Variants in ACSL3 observed in about 807,000 individuals in gnomAD.
ACSL3 encodes fatty acid CoA ligase Acsl3.
In ACSL3, 34 loss-of-function variants were observed where a neutral mutation model predicts 84.7. The observed-to-expected ratio is 0.40, with a 90% CI of 0.31 to 0.53. The LOEUF (loss-of-function observed/expected upper bound fraction) is 0.53, where lower values mean the gene tolerates loss of function less well. Among genes scored for constraint, ACSL3 ranks in the 20% least tolerant of loss-of-function variants. ACSL3 has a pLI of 0.48. For missense variants in ACSL3, 680 were observed against 873.1 expected (o/e 0.78, Z 2.79); for synonymous variants, 315 against 299.4 (o/e 1.05, Z -0.54).
At chr2:222,864,404 G>A (rs978859365) in intron 1 of ACSL3, among the ~76,000 whole-genome samples, 2 of 152,176 alleles carry the variant, frequency 1.3e-5, no homozygotes, top group Non-Finnish European at 2.9e-5. Context: ...AAGAAGAGAA[G>A]GAGGCCTGGG....
intron 1 of ACSL3, among the ~76,000 whole-genome samples, chr2:222,866,346 C>T (rs1365869412): frequency 1.3e-5 from 2 of 152,122 alleles, no homozygotes; most frequent in Non-Finnish European, 2.9e-5. Context: ...GGGGTTTCAC[C>T]ATGTTAGTCA....
intron 2 of ACSL3, among the ~76,000 whole-genome samples, chr2:222,895,470 C>CTTTTTTTTTTTTT (rs1164470428): frequency 6.4e-5 from 1 of 15,606 alleles, no homozygotes; most frequent in Non-Finnish European, 9.2e-5. Flanking sequence ...TTACTTTGTT[C>CTTTTTTTTTTTTT]TTTTTTTTTT....
At chr2:222,874,146 C>G (rs1268921994) in intron 1 of ACSL3, among the ~76,000 whole-genome samples, 2 of 152,162 alleles carry the variant, frequency 1.3e-5, no homozygotes, top group Non-Finnish European at 2.9e-5. Context: ...CCTCAGCCTC[C>G]CGAGTAGCTG....
intron 16 of ACSL3, among the ~76,000 whole-genome samples, chr2:222,940,426 C>T (rs1191190557): frequency 6.6e-6 from 1 of 151,642 alleles, no homozygotes. Flanking sequence ...GTATCCTTCT[C>T]CTCACATCTA....
intron 12 of ACSL3, among the ~76,000 whole-genome samples, chr2:222,928,610 A>G (rs1000919068): frequency 6.6e-6 from 1 of 151,744 alleles, no homozygotes; most frequent in African/African-American, 2.4e-5. Context: ...CCACACTTAC[A>G]TCTAAAATTT....
intron 16 of ACSL3, among the ~76,000 whole-genome samples, chr2:222,935,390 T>A (rs374212695): frequency 6.6e-5 from 10 of 152,146 alleles, no homozygotes; most frequent in Admixed American, 2.0e-4. Flanking sequence ...TGTTTTGTTG[T>A]TGAGATGAGG....
intron 4 of ACSL3, among the ~76,000 whole-genome samples, chr2:222,915,873 G>A (rs1210292722): frequency 4.6e-5 from 7 of 152,172 alleles, no homozygotes; most frequent in Admixed American, 1.3e-4. Context: ...ATTTTATACC[G>A]TCTGATACTG....
chr2:222,886,956 G>A (rs550166924), intron 1 of ACSL3, among the ~76,000 whole-genome samples: 2 of 152,064 alleles, frequency 1.3e-5, no homozygotes, highest in African/African-American at 4.8e-5. Context: ...GTTTACATTA[G>A]GGTTCACTCT....
intron 1 of ACSL3, among the ~76,000 whole-genome samples, chr2:222,862,984 G>C (rs1304952844): frequency 1.3e-5 from 2 of 152,152 alleles, no homozygotes; most frequent in Admixed American, 1.3e-4. Context: ...TTAAAGCCTC[G>C]AGGTCTGTTT....
intron 14 of ACSL3, 27 bp downstream of exon 14, chr2:222,930,839 A>G (rs1366783598): frequency 1.3e-6 from 2 of 1,566,102 alleles, no homozygotes; most frequent in South Asian, 1.2e-5. Flanking sequence ...TTTTTTGAAA[A>G]TGAATGTTTC....
At chr2:222,902,724 C>T (rs571696206) in intron 3 of ACSL3, among the ~76,000 whole-genome samples, 2 of 152,282 alleles carry the variant, frequency 1.3e-5, no homozygotes, top group Non-Finnish European at 2.9e-5. Flanking sequence ...CAGGTTTCTA[C>T]CTCACAAATT....
At chr2:222,935,906 C>G (rs1231052840) in intron 16 of ACSL3, among the ~76,000 whole-genome samples, 1 of 152,104 alleles carries the variant, frequency 6.6e-6, no homozygotes, top group Non-Finnish European at 1.5e-5. Flanking sequence ...AGACACTATA[C>G]CCATTACACT....
At chr2:222,865,538 T>G (rs1029745826) in intron 1 of ACSL3, among the ~76,000 whole-genome samples, 4 of 152,102 alleles carry the variant, frequency 2.6e-5, no homozygotes, top group Non-Finnish European at 5.9e-5. Context: ...AGGAAAGAGG[T>G]GTATGAACAA....
chr2:222,911,056 T>TC (rs61315636), intron 4 of ACSL3, among the ~76,000 whole-genome samples: 55,455 of 147,532 alleles, frequency 0.38, 11,265 homozygotes, highest in East Asian at 0.75. Context: ...TTTTTTTTTT[T>TC]TTTTTTTTTT....
intron 8 of ACSL3, among the ~76,000 whole-genome samples, chr2:222,922,232 A>G (rs1379013650): frequency 6.6e-6 from 1 of 152,136 alleles, no homozygotes; most frequent in Non-Finnish European, 1.5e-5. Flanking sequence ...CCACAACAAG[A>G]GTCTTATCTG....
intron 1 of ACSL3, among the ~76,000 whole-genome samples, chr2:222,885,696 A>G (rs1290351518): frequency 6.6e-6 from 1 of 152,198 alleles, no homozygotes; most frequent in African/African-American, 2.4e-5. Flanking sequence ...AGTCATAGCT[A>G]ATAAGAAACA....
At chr2:222,937,200 ATTG>A (rs148629791) in intron 16 of ACSL3, among the ~76,000 whole-genome samples, 124,500 of 151,836 alleles carry the variant, frequency 0.82, 51,265 homozygotes, top group East Asian at 0.96. Context: ...ATTAAATGGT[ATTG>A]TTTTCTTAAT....
At chr2:222,920,270 T>C (rs374098986) in intron 7 of ACSL3, among the ~76,000 whole-genome samples, 24 of 152,198 alleles carry the variant, frequency 1.6e-4, no homozygotes, top group African/African-American at 5.8e-4. Flanking sequence ...AGGAAGGGTA[T>C]TCTATTGGGA....
intron 16 of ACSL3, among the ~76,000 whole-genome samples, chr2:222,941,263 A>G (rs1021192618): frequency 3.3e-5 from 5 of 151,866 alleles, no homozygotes; most frequent in African/African-American, 7.3e-5. Flanking sequence ...TATATATTCT[A>G]TTTTGTTCCT....
Sources: allele counts gnomAD v4.1 joint callset (sites outside exome capture counted in the v4.1 genomes callset), GRCh38; gene constraint gnomAD v4.1.1; transcripts MANE v1.5; gene names NCBI Gene and HGNC (gene_info 2026-07-23, HGNC 2026-07-21).